OPCML: variants seen among roughly 807,000 people sequenced by gnomAD.
The protein encoded by OPCML is opioid-binding protein/cell adhesion molecule.
Under a neutral mutation model 37.8 loss-of-function variants are expected in OPCML, and 13 were observed. The observed-to-expected ratio is 0.34, with a 90% CI of 0.22 to 0.55. The LOEUF (loss-of-function observed/expected upper bound fraction) is 0.55, where lower values mean the gene tolerates loss of function less well. OPCML is among the 20% of genes least tolerant of loss of function. The pLI is 0.91. For synonymous variants in OPCML, 176 were observed against 168.8 expected (o/e 1.04, Z -0.33); for missense variants, 341 against 435.6 (o/e 0.78, Z 1.93).
chr11:132,713,941 G>T (rs191108882), intron 2 of OPCML, among the ~76,000 whole-genome samples: 1 of 152,148 alleles, frequency 6.6e-6, no homozygotes, highest in African/African-American at 2.4e-5. Context: ...TATCATTAAA[G>T]TGTTATTCAT....
chr11:133,478,608 C>G (rs543420780), intron 1 of OPCML, among the ~76,000 whole-genome samples: 1 of 152,138 alleles, frequency 6.6e-6, no homozygotes, highest in Non-Finnish European at 1.5e-5. Context: ...CCAGAAGTTA[C>G]GTAACACAAA....
chr11:133,521,920 G>A (rs896171789), intron 1 of OPCML, among the ~76,000 whole-genome samples: 6 of 152,138 alleles, frequency 3.9e-5, no homozygotes, highest in African/African-American at 1.4e-4. Flanking sequence ...GTCCTGTTTC[G>A]GCCTGCTACC....
chr11:132,975,100 G>C (rs1465589194), intron 1 of OPCML, among the ~76,000 whole-genome samples: 1 of 151,528 alleles, frequency 6.6e-6, no homozygotes, highest in Non-Finnish European at 1.5e-5. Context: ...CTACCTTGAT[G>C]CCACTATAGG....
chr11:133,021,494 C>G (rs942565773), intron 1 of OPCML, among the ~76,000 whole-genome samples: 2 of 152,056 alleles, frequency 1.3e-5, no homozygotes, highest in Admixed American at 6.5e-5. Flanking sequence ...GTACGTAAGG[C>G]TTTCTCAACG....
intron 2 of OPCML, among the ~76,000 whole-genome samples, chr11:132,731,141 G>T (rs528121809): frequency 6.6e-6 from 1 of 152,330 alleles, no homozygotes; most frequent in African/African-American, 2.4e-5. Context: ...TATGGATAGG[G>T]TGATTAAGAA....
intron 1 of OPCML, among the ~76,000 whole-genome samples, chr11:133,244,536 C>A (rs1940849672): frequency 6.6e-6 from 1 of 152,118 alleles, no homozygotes; most frequent in South Asian, 2.1e-4. Flanking sequence ...GTGTTCCCAC[C>A]TAAATCTCAT....
rs544348148 is a variant in OPCML, at chr11:133,316,866, C to A, written c.61+215398G>T. Among the ~76,000 whole-genome samples the A allele has an allele frequency of 7.9e-5, 12 of 152,286 alleles. No individual in the cohort carries two copies. In the South Asian group the frequency reaches 2.1e-3, roughly 26 times the overall value. On this transcript the variant is annotated intron_variant, in intron 1 of 7. Coordinates refer to ENST00000524381, the MANE Select transcript of OPCML (RefSeq NM_001012393.5). ...TTCAGTGTTTAATGGCTATTTTTCC[C>A]AAACTCAGTTTCATGATTACATTTC...
At chr11:132,781,957 T>A (rs373129612) in intron 2 of OPCML, among the ~76,000 whole-genome samples, 36,871 of 95,878 alleles carry the variant, frequency 0.38, 3,467 homozygotes, top group Non-Finnish European at 0.44. Context: ...TATATATATT[T>A]TTTTTTTTTT....
At chr11:132,681,726 T>C (rs564564257) in intron 2 of OPCML, among the ~76,000 whole-genome samples, 5 of 152,012 alleles carry the variant, frequency 3.3e-5, no homozygotes, top group Admixed American at 2.6e-4. Context: ...GAGGCCGAGG[T>C]GGGCAGATCA....
intron 2 of OPCML, among the ~76,000 whole-genome samples, chr11:132,677,064 A>G (rs1942742929): frequency 1.3e-5 from 2 of 152,112 alleles, no homozygotes; most frequent in South Asian, 4.1e-4. Flanking sequence ...GCAGGATACA[A>G]AGTTAGTATA....
intron 4 of OPCML, among the ~76,000 whole-genome samples, chr11:132,443,587 C>T (rs532061754): frequency 6.6e-6 from 1 of 152,320 alleles, no homozygotes; most frequent in African/African-American, 2.4e-5. Flanking sequence ...TAGAAACAAG[C>T]CTTTTACCCA....
At chr11:133,424,675 A>T (rs995637821) in intron 1 of OPCML, among the ~76,000 whole-genome samples, 2 of 152,182 alleles carry the variant, frequency 1.3e-5, no homozygotes, top group Non-Finnish European at 2.9e-5. Flanking sequence ...ATAAACATCT[A>T]TGTTCATCTT....
rs953249372 is a variant in OPCML at position 132,675,469 on chromosome 11, C to T, written c.147-18150G>A. On this transcript the variant is annotated intron_variant, in intron 2 of 7. Transcript: ENST00000524381. ...TAGGTAAGAAGTGATATAAAAGGCA[C>T]CCAGTTTGGAAAGAAACAATTAAAA... Among the ~76,000 whole-genome samples, 3 of 151,690 alleles carry T rather than the reference C, an allele frequency of 2.0e-5. No individual in the cohort carries two copies. The South Asian group carries it at 6.2e-4, about 31-fold the overall frequency.
intron 1 of OPCML, among the ~76,000 whole-genome samples, chr11:133,167,495 C>G (rs1297001381): frequency 1.3e-5 from 2 of 151,352 alleles, no homozygotes; most frequent in African/African-American, 4.9e-5. Context: ...TTAGCAATGT[C>G]TCTGGGAGTT....
chr11:132,530,449 C>A (rs2137299392), intron 3 of OPCML, among the ~76,000 whole-genome samples: 1 of 152,168 alleles, frequency 6.6e-6, no homozygotes, highest in Admixed American at 6.5e-5. Flanking sequence ...GGTCTCTTTC[C>A]ATTTTGGGGT....
intron 2 of OPCML, among the ~76,000 whole-genome samples, chr11:132,738,263 C>T (rs766951647): frequency 2.6e-5 from 4 of 152,184 alleles, no homozygotes; most frequent in Non-Finnish European, 4.4e-5. Context: ...TGCAGTACAC[C>T]CTTTTAATTG....
chr11:133,442,726 C>CGTGTGTGTGT (rs371441649), intron 1 of OPCML, among the ~76,000 whole-genome samples: 2,659 of 141,412 alleles, frequency 0.019, 43 homozygotes, highest in African/African-American at 0.037. Flanking sequence ...CATATTTAAA[C>CGTGTGTGTGT]GTGTGTGTGT....
intron 4 of OPCML, among the ~76,000 whole-genome samples, chr11:132,501,569 T>C (rs1481253313): frequency 2.6e-5 from 4 of 152,224 alleles, no homozygotes; most frequent in Non-Finnish European, 5.9e-5. Context: ...CACAGACAGA[T>C]GGACAGTCTT....
intron 2 of OPCML, among the ~76,000 whole-genome samples, chr11:132,757,098 G>C (rs1287601393): frequency 3.3e-5 from 5 of 152,120 alleles, no homozygotes; most frequent in Non-Finnish European, 5.9e-5. Flanking sequence ...ATGGTTTCCA[G>C]CTTCATCCAT....
Sources: gnomAD v4.1 joint callset for allele counts (sites outside exome capture counted in the v4.1 genomes callset) on GRCh38, gnomAD v4.1.1 for gene constraint, MANE v1.5 for transcripts, NCBI Gene and HGNC (gene_info 2026-07-23, HGNC 2026-07-21) for gene names.